PLAAT3: variants seen among roughly 807,000 people sequenced by gnomAD.
PLAAT3 encodes the protein phospholipase A and acyltransferase 3, also known as Ca-independent phospholipase A1/2.
A neutral mutation model predicts 16.7 loss-of-function variants in PLAAT3; 21 were observed. That is an observed-to-expected ratio of 1.26 (90% CI 0.89 to 1.81). The LOEUF (loss-of-function observed/expected upper bound fraction) is 1.81, where lower values mean the gene tolerates loss of function less well. PLAAT3 is among the 40% of genes most tolerant of loss of function. PLAAT3 has a pLI of 0.00. For synonymous variants in PLAAT3, 76 were observed against 81.7 expected (o/e 0.93, Z 0.38); for missense variants, 219 against 213.7 (o/e 1.02, Z -0.16).
At chr11:63,584,033 T>C (rs1199759309) in intron 4 of PLAAT3, among the ~76,000 whole-genome samples, 2 of 152,168 alleles carry the variant, frequency 1.3e-5, no homozygotes, top group African/African-American at 2.4e-5. Context: ...GAGGTTACAA[T>C]ATAAGAATGG....
Position 63,603,247 on chromosome 11 carries a change from C to T in PLAAT3, c.16-5084G>A, listed in dbSNP as rs923723518. ...GTTCCAGGATCAAGGTCAGGGCCAG[C>T]AGAGTGCCTGAGAAGAGAACTGCCT... is the stretch of plus-strand genomic sequence containing the variant. On this transcript the variant is annotated intron_variant, in intron 2 of 4. Transcript: ENST00000415826. Among the ~76,000 whole-genome samples the T allele has an allele frequency of 8.5e-5, 13 of 152,200 alleles. 1 individual carries two copies. The highest frequency in any genetic ancestry group is 2.4e-5 in the African/African-American group (1 of 41,504).
intron 2 of PLAAT3, among the ~76,000 whole-genome samples, chr11:63,605,904 A>G (rs1938545989): frequency 6.6e-6 from 1 of 152,050 alleles, no homozygotes; most frequent in South Asian, 2.1e-4. Flanking sequence ...GGGAGTCCCA[A>G]GCGATGTCAG....
At chr11:63,587,355 A>G (rs948355963) in intron 4 of PLAAT3, among the ~76,000 whole-genome samples, 2 of 152,286 alleles carry the variant, frequency 1.3e-5, no homozygotes, top group African/African-American at 2.4e-5. Context: ...ACAATAAAAA[A>G]TCAGAACAGC....
Position 63,574,797 on chromosome 11 carries a change from A to C in PLAAT3, c.*148T>G. The stretch of plus-strand genomic sequence containing the variant: ...TTCTTGCTGCACTTCCCCCAATAAA[A>C]TCCTCCCTCGTTTTGCTTTATTTTA... On this transcript the variant is annotated 3_prime_UTR_variant, in exon 5 of 5. Coordinates refer to ENST00000415826, the MANE Select transcript of PLAAT3 (RefSeq NM_001128203.2). 1.6e-6 allele frequency: 1 copy of C among 613,372 alleles called. No homozygotes were observed. The highest frequency in any genetic ancestry group is 2.8e-5 in the East Asian group (1 of 36,162). 38.0% of individuals were successfully genotyped at this position (613,372 alleles called of 1,614,324 possible). A position where few individuals can be genotyped will look rare whatever the true frequency, so the allele number is the denominator to read the frequency against.
intron 2 of PLAAT3, among the ~76,000 whole-genome samples, chr11:63,606,594 T>G (rs1938572097): frequency 6.6e-6 from 1 of 151,966 alleles, no homozygotes; most frequent in Admixed American, 6.5e-5. Context: ...CAATAGGAAT[T>G]AGAGAGTCAG....
intron 4 of PLAAT3, among the ~76,000 whole-genome samples, chr11:63,584,571 T>C (rs572949666): frequency 8.9e-4 from 134 of 150,694 alleles, no homozygotes; most frequent in Non-Finnish European, 1.7e-3. Flanking sequence ...TGGAGTACAG[T>C]GGTGCAATCT....
intron 4 of PLAAT3, among the ~76,000 whole-genome samples, chr11:63,576,462 A>G (rs1042522906): frequency 1.3e-5 from 2 of 152,154 alleles, no homozygotes; most frequent in African/African-American, 4.8e-5. Context: ...ATCTCTAAAA[A>G]TCACAAAAAT....
intron 4 of PLAAT3, among the ~76,000 whole-genome samples, chr11:63,575,773 A>C (rs1186017235): frequency 6.6e-6 from 1 of 152,198 alleles, no homozygotes; most frequent in Non-Finnish European, 1.5e-5. Flanking sequence ...CTAAATCCTA[A>C]GGCAGCAAAG....
chr11:63,589,857 C>T (rs640908), intron 4 of PLAAT3, among the ~76,000 whole-genome samples: 74,132 of 151,006 alleles, frequency 0.49, 21,733 homozygotes, highest in African/African-American at 0.82. Context: ...TGGGAATGAT[C>T]ATCATGTCTG....
chr11:63,598,593 A>T lies in PLAAT3; in HGVS notation c.16-430T>A, dbSNP rs1196023058. ...TAGAAATGTAAAAGAATTTGTGCAA[A>T]GACATATAACTCATGAGTGACTTGG... On this transcript the variant is annotated intron_variant, in intron 2 of 4. Coordinates refer to ENST00000415826, the MANE Select transcript of PLAAT3 (RefSeq NM_001128203.2). 6 of 421,050 alleles carry T rather than the reference A, an allele frequency of 1.4e-5. No individual in the cohort carries two copies. The East Asian group carries it at 4.1e-4, about 28-fold the overall frequency. The allele number at this position is 421,050 out of a possible 1,614,324, so 26.1% of individuals were successfully genotyped here.
chr11:63,575,443 G>A lies in PLAAT3; in HGVS notation c.388-397C>T, dbSNP rs74468036. On this transcript the variant is annotated intron_variant, in intron 4 of 4. Transcript: ENST00000415826. ...ATTGTTATTGAGTAGTCAGTAACCTGTGACCTCCATAAGAGCAAGGAACTC... is the reference window on the plus strand; with the variant it reads ...ATTGTTATTGAGTAGTCAGTAACCTATGACCTCCATAAGAGCAAGGAACTC... 6.9e-3 allele frequency among the ~76,000 whole-genome samples: 1,051 copies of A among 152,308 alleles called. 10 individuals carry two copies. Among genetic ancestry groups the A allele is most frequent in the African/African-American group, 0.024 (989 of 41,560 alleles).
chr11:63,596,237 CAAAAAAAAAAA>C (rs56081443), intron 3 of PLAAT3, among the ~76,000 whole-genome samples: 572 of 40,760 alleles, frequency 0.014, 7 homozygotes, highest in African/African-American at 0.052. Context: ...GAGACTCTGT[CAAAAAAAAAAA>C]AAAAAAAAAA....
chr11:63,607,210 C>A (rs1458738382), intron 2 of PLAAT3, among the ~76,000 whole-genome samples: 1 of 152,168 alleles, frequency 6.6e-6, no homozygotes, highest in South Asian at 2.1e-4. Flanking sequence ...GGGGGAGAAC[C>A]AGGCACTCAC....
chr11:63,595,031 C>G lies in PLAAT3; in HGVS notation c.118+3030G>C, dbSNP rs547133759. Among the ~76,000 whole-genome samples the G allele has an allele frequency of 3.3e-5, 5 of 152,204 alleles. No homozygotes were observed. In the East Asian group the frequency reaches 9.7e-4, roughly 29 times the overall value. On this transcript the variant is annotated intron_variant, in intron 3 of 4. Transcript: ENST00000415826. ...AAGGGCCGTGCGCGGTGGCTCACGC[C>G]TGTAATCTCAGCACTTTGGGAGGCC... is the stretch of plus-strand genomic sequence containing the variant.
intron 2 of PLAAT3, among the ~76,000 whole-genome samples, chr11:63,606,749 C>T (rs1938576753): frequency 1.3e-5 from 2 of 152,018 alleles, no homozygotes; most frequent in Non-Finnish European, 2.9e-5. Flanking sequence ...AGGAGGCCAA[C>T]GAGGCCGGAG....
chr11:63,576,328 G>A (rs150772769), intron 4 of PLAAT3, among the ~76,000 whole-genome samples: 2,025 of 152,202 alleles, frequency 0.013, 24 homozygotes, highest in Middle Eastern at 0.024. Flanking sequence ...CAGTATGAAA[G>A]AGGTGAGATG....
intron 4 of PLAAT3, among the ~76,000 whole-genome samples, chr11:63,579,865 AG>A (rs1441762314): frequency 1.5e-5 from 2 of 130,246 alleles, no homozygotes; most frequent in Non-Finnish European, 3.2e-5. Flanking sequence ...TAAAACTTAA[AG>A]TATAATAAAA....
chr11:63,590,983 G>A (rs902695145), intron 3 of PLAAT3, among the ~76,000 whole-genome samples: 1 of 152,226 alleles, frequency 6.6e-6, no homozygotes, highest in African/African-American at 2.4e-5. Flanking sequence ...TGAAGACCAG[G>A]ATGGTGGACA....
At chr11:63,599,312 G>A (rs938689621) in intron 2 of PLAAT3, among the ~76,000 whole-genome samples, 2 of 152,152 alleles carry the variant, frequency 1.3e-5, no homozygotes, top group African/African-American at 2.4e-5. Context: ...TGAGGACTCC[G>A]GCTTGCTTGC....
Sources: gnomAD v4.1 joint callset for allele counts (sites outside exome capture counted in the v4.1 genomes callset) on GRCh38, gnomAD v4.1.1 for gene constraint, MANE v1.5 for transcripts, NCBI Gene and HGNC (gene_info 2026-07-23, HGNC 2026-07-21) for gene names.